Variants in GALNT17 observed in about 807,000 individuals in gnomAD.
GALNT17 encodes the protein UDP-GalNAc:polypeptide N-acetylgalactosaminyltransferase-like 3.
In GALNT17, 29 loss-of-function variants were observed where a neutral mutation model predicts 63.7. The observed-to-expected ratio is 0.46, with a 90% confidence interval of 0.34 to 0.62. The LOEUF (loss-of-function observed/expected upper bound fraction) is 0.62, where lower values mean the gene tolerates loss of function less well. Among genes scored for constraint, GALNT17 ranks in the 20% least tolerant of loss-of-function variants. The probability of loss-of-function intolerance (pLI) is 0.01; values close to 1 mark genes in which losing one functional copy is unlikely to be tolerated. For missense variants in GALNT17, 603 were observed against 799.6 expected, an observed-to-expected ratio of 0.75 and a Z score of 2.97; for synonymous variants, 305 against 318.3, an observed-to-expected ratio of 0.96 and a Z score of 0.45.
At chr7:71,267,254 C>T (rs535517799) in intron 1 of GALNT17, among the ~76,000 whole-genome samples, 8 of 152,316 alleles carry the variant, frequency 5.3e-5, no homozygotes, top group South Asian at 2.1e-4. Flanking sequence ...GTGTCCTTTG[C>T]GAGCTGCGCA....
At position 71,665,715 on chromosome 7, in the gene GALNT17, G is replaced by T. The variant is rs1790975391; in HGVS notation, c.1266+119G>T. ...AAATGCTCATGCTTAGAAAAATTAT[G>T]AATGCATTTCAAAGGGATTCACAGA... On this transcript the variant is annotated intron_variant, in intron 7 of 10. Transcript: ENST00000333538. The T allele has an allele frequency of 4.2e-6, 5 of 1,187,418 alleles. No individual in the cohort carries two copies. In the Admixed American group the frequency reaches 8.9e-5, roughly 21 times the overall value. 73.6% of individuals were successfully genotyped at this position (1,187,418 alleles called of 1,614,324 possible).
At chr7:71,277,733 T>G (rs149632843) in intron 1 of GALNT17, among the ~76,000 whole-genome samples, 40 of 152,300 alleles carry the variant, frequency 2.6e-4, no homozygotes, top group South Asian at 6.2e-4. Context: ...AGTAGACAGC[T>G]GTCCAGAGGA....
intron 1 of GALNT17, among the ~76,000 whole-genome samples, chr7:71,294,202 T>TAG (rs1404518108): frequency 6.6e-6 from 1 of 151,928 alleles, no homozygotes; most frequent in Non-Finnish European, 1.5e-5. Context: ...TTTTACAATG[T>TAG]AGTTAGGTTT....
At chr7:71,397,258 G>T (rs560459470) in intron 3 of GALNT17, among the ~76,000 whole-genome samples, 1 of 152,124 alleles carries the variant, frequency 6.6e-6, no homozygotes, top group Admixed American at 6.6e-5. Context: ...TAAGTCATGA[G>T]TGAGCTCAGT....
chr7:71,258,672 A>G (rs955661673), intron 1 of GALNT17, among the ~76,000 whole-genome samples: 5 of 152,212 alleles, frequency 3.3e-5, no homozygotes, highest in Admixed American at 6.5e-5. Context: ...AAATCTTTAC[A>G]GAGAGGATGA....
At chr7:71,595,449 C>T (rs1171296434) in intron 6 of GALNT17, among the ~76,000 whole-genome samples, 2 of 150,718 alleles carry the variant, frequency 1.3e-5, no homozygotes, top group Non-Finnish European at 3.0e-5. Context: ...AAAAAAGATG[C>T]AAAGGAAAGT....
intron 2 of GALNT17, among the ~76,000 whole-genome samples, chr7:71,355,808 C>T (rs531338598): frequency 2.6e-4 from 39 of 151,812 alleles, no homozygotes; most frequent in African/African-American, 9.4e-4. Flanking sequence ...GCTGGGATTA[C>T]AGGTGTGAGC....
intron 6 of GALNT17, among the ~76,000 whole-genome samples, chr7:71,576,768 A>G (rs1400356106): frequency 6.6e-6 from 1 of 152,066 alleles, no homozygotes; most frequent in Non-Finnish European, 1.5e-5. Context: ...GGGTTTCCCC[A>G]TGTTGCCCAG....
At chr7:71,412,932 A>G (rs1046060513) in intron 3 of GALNT17, among the ~76,000 whole-genome samples, 1 of 152,058 alleles carries the variant, frequency 6.6e-6, no homozygotes, top group Non-Finnish European at 1.5e-5. Context: ...AGTCCCAGCT[A>G]CTTGGGAGGC....
intron 5 of GALNT17, among the ~76,000 whole-genome samples, chr7:71,463,731 C>T (rs190719304): frequency 1.4e-3 from 212 of 152,242 alleles, no homozygotes; most frequent in African/African-American, 4.7e-3. Context: ...GGGTAACTTC[C>T]GGGCATTGCC....
At position 71,679,393 on chromosome 7, in the gene GALNT17, CTT is replaced by C. The variant is rs574143260; in HGVS notation, c.1500+2088_1500+2089del. On this transcript the variant is annotated intron_variant, in intron 9 of 10. Transcript: ENST00000333538. Reference sequence around the variant, plus strand: ...TGGGTGACAGAGTGAGACCTTGTCTCTTAAAAAAAGAAAAAAATAAGTGCACG... The same window carrying C: ...TGGGTGACAGAGTGAGACCTTGTCTCAAAAAAAGAAAAAAATAAGTGCACG... Among the ~76,000 whole-genome samples, 693 of 152,126 alleles carry C rather than the reference CTT, an allele frequency of 4.6e-3. 8 individuals carry two copies. The highest frequency in any genetic ancestry group is 0.016 in the African/African-American group (665 of 41,490).
At chr7:71,143,838 G>C (rs1007507639) in intron 1 of GALNT17, among the ~76,000 whole-genome samples, 2 of 151,420 alleles carry the variant, frequency 1.3e-5, no homozygotes, top group Admixed American at 6.6e-5. Flanking sequence ...CTGGGAGTTC[G>C]AGACCAGCCT....
At chr7:71,346,976 A>G (rs1444460779) in intron 2 of GALNT17, among the ~76,000 whole-genome samples, 1 of 152,076 alleles carries the variant, frequency 6.6e-6, no homozygotes, top group Non-Finnish European at 1.5e-5. Context: ...AAATTGTATA[A>G]TATTATGTGG....
In GALNT17 at chr7:71,463,452, A is replaced by G. The variant is rs1787484285; in HGVS notation, c.962+42347A>G. Among the ~76,000 whole-genome samples the G allele has an allele frequency of 2.0e-5, 3 of 152,164 alleles. No homozygotes were observed. The South Asian group carries it at 6.2e-4, about 32-fold the overall frequency. On this transcript the variant is annotated intron_variant, in intron 5 of 10. Coordinates refer to ENST00000333538, the MANE Select transcript of GALNT17 (RefSeq NM_022479.3). Reference sequence around the variant, plus strand: ...TGTTACCAGAAAGGGGTCCCAATCCAGACCTCAAGAGAGGGTTCTTGGATC... The same window carrying G: ...TGTTACCAGAAAGGGGTCCCAATCCGGACCTCAAGAGAGGGTTCTTGGATC...
intron 4 of GALNT17, among the ~76,000 whole-genome samples, chr7:71,419,229 A>G (rs142771898): frequency 2.6e-3 from 394 of 152,328 alleles, no homozygotes; most frequent in African/African-American, 8.2e-3. Flanking sequence ...TCAAAGAGGT[A>G]GTGGAGCTTC....
intron 6 of GALNT17, among the ~76,000 whole-genome samples, chr7:71,625,744 G>A: frequency 6.6e-6 from 1 of 152,116 alleles, no homozygotes; most frequent in Non-Finnish European, 1.5e-5. Flanking sequence ...GACAGTCTGT[G>A]TTTCTCTGAG....
intron 6 of GALNT17, among the ~76,000 whole-genome samples, chr7:71,609,010 G>A (rs1790087001): frequency 6.6e-6 from 1 of 150,790 alleles, no homozygotes. Flanking sequence ...CAAACTCCTG[G>A]GCTCAAGTGA....
intron 1 of GALNT17, among the ~76,000 whole-genome samples, chr7:71,140,381 G>A (rs553308709): frequency 6.6e-6 from 1 of 152,308 alleles, no homozygotes; most frequent in South Asian, 2.1e-4. Flanking sequence ...TCTGGTTGCA[G>A]TTGGCCCCTC....
At chr7:71,331,581 C>T (rs959773209) in intron 1 of GALNT17, among the ~76,000 whole-genome samples, 6 of 152,060 alleles carry the variant, frequency 3.9e-5, no homozygotes, top group African/African-American at 9.7e-5. Context: ...GTTAGTGTCA[C>T]GCACCTGTAA....
Sources: gnomAD v4.1 joint callset for allele counts (sites outside exome capture counted in the v4.1 genomes callset) on GRCh38, gnomAD v4.1.1 for gene constraint, MANE v1.5 for transcripts, NCBI Gene and HGNC (gene_info 2026-07-23, HGNC 2026-07-21) for gene names.